HAUS4: variants seen among roughly 807,000 people sequenced by gnomAD.
HAUS4 encodes the protein HAUS augmin like complex subunit 4, also known as HAUS augmin-like complex subunit 4.
A neutral mutation model predicts 50.6 loss-of-function variants in HAUS4; 34 were observed. The observed-to-expected ratio is 0.67, with a 90% CI of 0.51 to 0.90. The LOEUF (loss-of-function observed/expected upper bound fraction) is 0.90. HAUS4 is among the 40% of genes least tolerant of loss of function. HAUS4 has a pLI of 0.00. For synonymous variants in HAUS4, 149 were observed against 161.4 expected (o/e 0.92, Z 0.58); for missense variants, 370 against 428.7 (o/e 0.86, Z 1.21).
Position 22,957,020 on chromosome 14 carries a change from C to G in HAUS4, c.-127G>C, listed in dbSNP as rs777627360. 6.5e-6 allele frequency: 1 copy of G among 154,242 alleles called. No homozygotes were observed. The highest frequency in any genetic ancestry group is 2.0e-4 in the South Asian group (1 of 4,918). The allele number at this position is 154,242 out of a possible 1,614,324, so 9.6% of individuals were successfully genotyped here. ...ACCCCAGAACCCGCCCGCGCCGGGG[C>G]TCCGGAACCTCTCGTTCGGGCCGGG... On this transcript the variant is annotated 5_prime_UTR_variant, in exon 1 of 10. Coordinates refer to ENST00000541587, the MANE Select transcript of HAUS4 (RefSeq NM_001166269.2).
intron 7 of HAUS4, 31 bp downstream of exon 7, chr14:22,947,837 A>G: frequency 6.2e-7 from 1 of 1,611,344 alleles, no homozygotes; most frequent in Non-Finnish European, 8.5e-7. Context: ...GTCAGGATAA[A>G]GGAAAGGGGC....
intron 9 of HAUS4, 112 bp downstream of exon 9, chr14:22,947,059 C>G (rs769202289): frequency 6.5e-5 from 49 of 757,766 alleles, no homozygotes; most frequent in Non-Finnish European, 1.2e-4. Flanking sequence ...GCTGGGATTA[C>G]AGGTGTGAGC....
intron 2 of HAUS4, among the ~76,000 whole-genome samples, 181 bp from the exon 3 acceptor site, chr14:22,952,864 G>C (rs142060717): frequency 3.7e-4 from 57 of 152,158 alleles, no homozygotes; most frequent in African/African-American, 1.3e-3. Context: ...AAGGTAACAA[G>C]CATTTATATT....
chr14:22,948,125 C>T, intron 6 of HAUS4, 112 bp from the exon 7 acceptor site: 1 of 1,094,378 alleles, frequency 9.1e-7, no homozygotes, highest in Non-Finnish European at 1.3e-6. Context: ...TGCCTTATGA[C>T]AGGTTTTCTT....
chr14:22,956,872 C>G (rs950724203), intron 1 of HAUS4, 44 bp downstream of exon 1: 22 of 154,452 alleles, frequency 1.4e-4, no homozygotes, highest in Non-Finnish European at 2.8e-4. Flanking sequence ...TCTCCCAGAG[C>G]TCCTCTTCCC....
intron 9 of HAUS4, among the ~76,000 whole-genome samples, chr14:22,946,937 C>T (rs1033198427): frequency 6.6e-6 from 1 of 152,158 alleles, no homozygotes; most frequent in African/African-American, 2.4e-5. Context: ...GCACATGCCA[C>T]CATGCCCAGC....
Position 22,946,654 on chromosome 14 carries a change from T to C in HAUS4, c.963A>G (p.Arg321=). Residue 321 remains arginine, a synonymous_variant, in exon 10 of 10, where the codon AGA becomes AGG. Transcript: ENST00000541587. The part of the protein sequence containing the change: ...HLQEQDMENS[R]QVLNSYEVLG... ...GGACCTCATAGGAGTTCAGGACCTG[T>C]CTTGAGTTCTCCATGTCCTGCTCCT... The C allele has an allele frequency of 6.2e-7, 1 of 1,613,930 alleles. No homozygotes were observed. The highest frequency in any genetic ancestry group is 8.5e-7 in the Non-Finnish European group (1 of 1,179,866).
At chr14:22,953,697 T>C (rs548592183) in intron 2 of HAUS4, among the ~76,000 whole-genome samples, 1 of 151,886 alleles carries the variant, frequency 6.6e-6, no homozygotes, top group African/African-American at 2.4e-5. Context: ...CTCGGCTCAC[T>C]GCAAGCTCCA....
At chr14:22,946,761 T>G in intron 9 of HAUS4, 53 bp from the exon 10 acceptor site, 2 of 1,280,338 alleles carry the variant, frequency 1.6e-6, no homozygotes, top group Non-Finnish European at 2.2e-6. Context: ...CCTCAGAAAG[T>G]AGTGGACAAA....
chr14:22,953,912 G>A (rs979716089), intron 2 of HAUS4, among the ~76,000 whole-genome samples: 2 of 151,542 alleles, frequency 1.3e-5, no homozygotes, highest in African/African-American at 4.9e-5. Flanking sequence ...TTACAGGTGT[G>A]AGCCACCGTG....
At chr14:22,946,792 T>G in intron 9 of HAUS4, 84 bp from the exon 10 acceptor site, 1 of 1,051,630 alleles carries the variant, frequency 9.5e-7, no homozygotes, top group Non-Finnish European at 1.3e-6. Context: ...TTTTTTTTTT[T>G]TTTTTTTGTC....
chr14:22,946,258 G>T lies in HAUS4; in HGVS notation c.*267C>A. The T allele has an allele frequency of 3.3e-6, 1 of 302,498 alleles. No homozygotes were observed. Among genetic ancestry groups the T allele is most frequent in the African/African-American group, 2.1e-5 (1 of 46,690 alleles). The allele number at this position is 302,498 out of a possible 1,614,324, so 18.7% of individuals were successfully genotyped here. ...TATAATATCATAACTTTATTCAGGA[G>T]ATAATCAAATACAATACAGGGCTGA... On this transcript the variant is annotated 3_prime_UTR_variant, in exon 10 of 10. Coordinates refer to ENST00000541587, the MANE Select transcript of HAUS4 (RefSeq NM_001166269.2).
At chr14:22,950,090 T>C (rs2044723845) in intron 6 of HAUS4, among the ~76,000 whole-genome samples, 1 of 147,864 alleles carries the variant, frequency 6.8e-6, no homozygotes, top group South Asian at 2.1e-4. Context: ...ATGGCGCCAT[T>C]GCACTCTAGC....
chr14:22,954,517 GC>G (rs2080437508), intron 2 of HAUS4: 1 of 152,120 alleles, frequency 6.6e-6, no homozygotes, highest in African/African-American at 2.4e-5. Flanking sequence ...GAATTTGCTG[GC>G]TACCCTTATT....
intron 2 of HAUS4, among the ~76,000 whole-genome samples, chr14:22,953,334 A>G (rs527240998): frequency 2.0e-5 from 3 of 152,164 alleles, no homozygotes; most frequent in South Asian, 4.2e-4. Context: ...ACAGGGTCTC[A>G]CTACATTGCC....
chr14:22,952,719 A>C, intron 2 of HAUS4, 36 bp from the exon 3 acceptor site: 1 of 1,538,212 alleles, frequency 6.5e-7, no homozygotes, highest in South Asian at 1.3e-5. Flanking sequence ...AAAAAAACAA[A>C]AAAGGTGTGG....
In HAUS4 at chr14:22,947,972, G is replaced by C; in HGVS notation, c.604C>G (p.Leu202Val). 1 of 1,613,876 alleles carries C rather than the reference G, an allele frequency of 6.2e-7. No individual in the cohort carries two copies. The highest frequency in any genetic ancestry group is 8.5e-7 in the Non-Finnish European group (1 of 1,179,922). Residue 202 changes from leucine to valine, a missense_variant, in exon 7 of 10, where the codon CTC (leucine) becomes GTC (valine). Physicochemically the swap from Leu to Val is conservative, Grantham distance 32. Transcript: ENST00000541587. ...ETVKAAKVWK[L>V]AEVLVGEQQQ... ...TGCTCACCCACCAGGACCTCTGCGA[G>C]TTTCCACACCTTTGCTGCCTTCACG...
chr14:22,946,612 G>C lies in HAUS4; in HGVS notation c.1005C>G (p.Asp335Glu), dbSNP rs540346373. Residue 335 changes from aspartate (D) to glutamate (E), a missense_variant, in exon 10 of 10, where the codon GAC becomes GAG. Coordinates refer to ENST00000541587, the MANE Select transcript of HAUS4 (RefSeq NM_001166269.2). ...NSYEVLGEEF[D>E]RLVKEYTVLK... ...GTACGGTGTACTCTTTCACCAGCCT[G>C]TCAAACTCCTCCCCAAGGACCTCAT... The C allele has an allele frequency of 6.2e-7, 1 of 1,613,938 alleles. No individual in the cohort carries two copies. The highest frequency in any genetic ancestry group is 1.7e-5 in the Admixed American group (1 of 59,978).
At chr14:22,949,198 A>G (rs1276958754) in intron 6 of HAUS4, among the ~76,000 whole-genome samples, 2 of 148,710 alleles carry the variant, frequency 1.3e-5, no homozygotes, top group Non-Finnish European at 3.0e-5. Context: ...AGGAAAGTTC[A>G]GACTCAGGTG....
Sources: allele counts gnomAD v4.1 joint callset (sites outside exome capture counted in the v4.1 genomes callset), GRCh38; gene constraint gnomAD v4.1.1; transcripts MANE v1.5; gene names NCBI Gene and HGNC (gene_info 2026-07-23, HGNC 2026-07-21).